The following GPRC5B variants were observed in gnomAD, a reference collection of about 807,000 sequenced individuals.
GPRC5B encodes the protein G protein-coupled receptor class C group 5 member B, also known as G protein-coupled receptor family C group 5 member B.
GPRC5B carries 16 observed loss-of-function variants against 30.1 expected under a neutral mutation model. That is an observed-to-expected ratio of 0.53 (90% CI 0.36 to 0.81). The LOEUF (loss-of-function observed/expected upper bound fraction) is 0.81, where lower values mean the gene tolerates loss of function less well. Ranked by LOEUF, GPRC5B falls within the 30% of genes least tolerant of loss-of-function variation. The probability of loss-of-function intolerance (pLI) is 0.01; values close to 1 mark genes in which losing one functional copy is unlikely to be tolerated. For missense variants in GPRC5B, 428 were observed against 544.7 expected (o/e 0.79, Z 2.13); for synonymous variants, 241 against 239.5 (o/e 1.01, Z -0.06).
intron 2 of GPRC5B, among the ~76,000 whole-genome samples, chr16:19,862,970 G>A (rs1179821779): frequency 6.6e-6 from 1 of 152,158 alleles, no homozygotes. Context: ...AAGAGAGCTT[G>A]TTTTTGCTTT....
chr16:19,881,168 C>G (rs1157991670), intron 1 of GPRC5B, among the ~76,000 whole-genome samples: 1 of 152,202 alleles, frequency 6.6e-6, no homozygotes, highest in East Asian at 1.9e-4. Context: ...GGGAGTCAGA[C>G]AGAGCTATAT....
chr16:19,878,955 C>A (rs569866033), intron 1 of GPRC5B, among the ~76,000 whole-genome samples: 1 of 152,112 alleles, frequency 6.6e-6, no homozygotes, highest in African/African-American at 2.4e-5. Flanking sequence ...GTGCTGCAGG[C>A]GATGTGGGGG....
chr16:19,863,273 T>C (rs1289843816), intron 2 of GPRC5B, among the ~76,000 whole-genome samples: 1 of 151,982 alleles, frequency 6.6e-6, no homozygotes, highest in East Asian at 1.9e-4. Flanking sequence ...TCCTCCTGCC[T>C]CAACCTCCAG....
At position 19,858,666 on chromosome 16, in the gene GPRC5B, C is replaced by T. The variant is rs1034124261; in HGVS notation, c.*1834G>A. ...ACCGCCCCCACCCCCACCCCAGGTC[C>T]TAGCTTCATTCCCTCCCACCCCTCC... On this transcript the variant is annotated 3_prime_UTR_variant, in exon 4 of 4. Coordinates refer to ENST00000300571, the MANE Select transcript of GPRC5B (RefSeq NM_016235.3). 1 of 500,528 alleles carries T rather than the reference C, an allele frequency of 2.0e-6. No homozygotes were observed. Among genetic ancestry groups the T allele is most frequent in the Non-Finnish European group, 3.6e-6 (1 of 280,724 alleles). The allele number at this position is 500,528 out of a possible 1,614,324, so 31.0% of individuals were successfully genotyped here. A position where few individuals can be genotyped will look rare whatever the true frequency, so the allele number is the denominator to read the frequency against.
intron 2 of GPRC5B, 150 bp downstream of exon 2, chr16:19,871,666 G>A: frequency 1.4e-6 from 1 of 717,578 alleles, no homozygotes; most frequent in Non-Finnish European, 2.4e-6. Context: ...ATCTGGGTCA[G>A]TTTCAGCCCA....
At chr16:19,885,477 G>A, upstream of GPRC5B, 1 of 1,138,122 alleles carries the variant, frequency 8.8e-7, no homozygotes, top group Non-Finnish European at 1.1e-6. This position sits in a 1 kb window ranked among gnomAD's most constrained non-coding sequence, Gnocchi z 5.3. Context: ...GTCGTTGTCC[G>A]TTTACGCACA....
chr16:19,881,358 G>T (rs1241252894), intron 1 of GPRC5B, among the ~76,000 whole-genome samples: 8 of 152,114 alleles, frequency 5.3e-5, no homozygotes, highest in African/African-American at 1.9e-4. Context: ...CTTGAGGAAG[G>T]GAGTTCAAGA....
chr16:19,872,839 C>T lies in GPRC5B; in HGVS notation c.7G>A (p.Val3Met), dbSNP rs1351449166. Residue 3 changes from valine (V) to methionine (M), a missense_variant, in exon 2 of 4, where the codon GTG becomes ATG. Coordinates refer to ENST00000300571, the MANE Select transcript of GPRC5B (RefSeq NM_016235.3). The surrounding 1 kb of genome is among the most constrained non-coding windows in gnomAD (Gnocchi z 5.0). The stretch of plus-strand genomic sequence containing the variant: ...GCTCTCATCTTTCTCTCTGATGCCA[C>T]GAACATTCTAGAAAAGCCAAGAGGG... MF[V>M]ASERKMRAHQ... 3 of 1,609,540 alleles carry T rather than the reference C, an allele frequency of 1.9e-6. No homozygotes were observed. Among genetic ancestry groups the T allele is most frequent in the South Asian group, 1.1e-5 (1 of 90,964 alleles).
intron 1 of GPRC5B, among the ~76,000 whole-genome samples, chr16:19,876,101 C>T (rs2056757445): frequency 6.6e-6 from 1 of 152,206 alleles, no homozygotes; most frequent in Admixed American, 6.5e-5. Flanking sequence ...CCCATCCAGC[C>T]CCAGGGTGGC....
At chr16:19,870,484 A>C (rs2056707332) in intron 2 of GPRC5B, among the ~76,000 whole-genome samples, 1 of 152,220 alleles carries the variant, frequency 6.6e-6, no homozygotes, top group African/African-American at 2.4e-5. Context: ...TAGTTCACAG[A>C]TGAGAAAAAC....
rs2056726778 is a variant in GPRC5B, at chr16:19,872,258, C to T, written c.588G>A (p.Glu196=). The change falls in exon 2 of 4, where the codon GAG becomes GAA. Residue 196 remains glutamate (E), a synonymous_variant. Coordinates refer to ENST00000300571, the MANE Select transcript of GPRC5B (RefSeq NM_016235.3). The surrounding 1 kb of genome is among the most constrained non-coding windows in gnomAD (Gnocchi z 5.0). ...TGAGGGCCATCACAAAGTCCATGGG[C>T]TCGTAGGCGCAGGCTGGCCTTGTGT... ...LRDTRPACAY[E]PMDFVMALIY... is the part of the protein sequence containing the mutation. 1 of 1,614,160 alleles carries T rather than the reference C, an allele frequency of 6.2e-7. No individual in the cohort carries two copies. Among genetic ancestry groups the T allele is most frequent in the Non-Finnish European group, 8.5e-7 (1 of 1,180,030 alleles).
In GPRC5B at chr16:19,872,465, G is replaced by A; in HGVS notation, c.381C>T (p.Phe127=). The part of the protein sequence containing the change: ...EDETICSVRR[F]LWGVLFALCF... Reference sequence around the variant, plus strand: ...AGAGCGCAAAGAGGACGCCCCAGAGGAAGCGGCGGACAGAGCAGATGGTCT... The same window carrying A: ...AGAGCGCAAAGAGGACGCCCCAGAGAAAGCGGCGGACAGAGCAGATGGTCT... Residue 127 remains phenylalanine, a synonymous_variant, in exon 2 of 4, where the codon TTC becomes TTT. Coordinates refer to ENST00000300571, the MANE Select transcript of GPRC5B (RefSeq NM_016235.3). This position sits in a 1 kb window ranked among gnomAD's most constrained non-coding sequence, Gnocchi z 5.0. 6.2e-7 allele frequency: 1 copy of A among 1,614,024 alleles called. No individual in the cohort carries two copies. Among genetic ancestry groups the A allele is most frequent in the South Asian group, 1.1e-5 (1 of 91,082 alleles).
chr16:19,880,718 C>T (rs570052517), intron 1 of GPRC5B, among the ~76,000 whole-genome samples: 55 of 152,272 alleles, frequency 3.6e-4, no homozygotes, highest in African/African-American at 1.2e-3. Flanking sequence ...ATCTCTCTTG[C>T]GGAGTCAGAC....
upstream of GPRC5B, chr16:19,884,953 G>T: frequency 1.2e-6 from 1 of 803,406 alleles, no homozygotes; most frequent in Non-Finnish European, 1.5e-6. Context: ...CCCCGCCCCC[G>T]GGCCTCCGAG....
upstream of GPRC5B, chr16:19,885,584 A>G: frequency 9.5e-7 from 1 of 1,055,492 alleles, no homozygotes; most frequent in Non-Finnish European, 1.1e-6. This position sits in a 1 kb window ranked among gnomAD's most constrained non-coding sequence, Gnocchi z 5.3. Flanking sequence ...CACCACCCCT[A>G]CCGCACACAT....
chr16:19,885,345 G>T (rs1180487628), upstream of GPRC5B: 4 of 1,203,400 alleles, frequency 3.3e-6, no homozygotes, highest in Non-Finnish European at 4.2e-6. This position sits in a 1 kb window ranked among gnomAD's most constrained non-coding sequence, Gnocchi z 5.3. Flanking sequence ...GATCCCGCCC[G>T]GTGCCTCTCG....
chr16:19,858,594 AG>A lies in GPRC5B; in HGVS notation c.*1905del, dbSNP rs1233623868. The A allele has an allele frequency of 1.3e-5, 8 of 600,958 alleles. No homozygotes were observed. The East Asian group carries it at 2.1e-4, about 16-fold the overall frequency. The allele number at this position is 600,958 out of a possible 1,614,324, so 37.2% of individuals were successfully genotyped here. ...GTCGTTTTTTCACCGGACAGGACCG[AG>A]GTGTTTGAAGATTTCTTTCTTTTCA... On this transcript the variant is annotated 3_prime_UTR_variant, in exon 4 of 4. Transcript: ENST00000300571.
At chr16:19,865,611 T>C (rs988880159) in intron 2 of GPRC5B, among the ~76,000 whole-genome samples, 1 of 152,250 alleles carries the variant, frequency 6.6e-6, no homozygotes, top group African/African-American at 2.4e-5. Flanking sequence ...GCAGGCTCTT[T>C]AACCCACATT....
upstream of GPRC5B, chr16:19,884,872 G>T (rs975981238): frequency 2.0e-6 from 2 of 981,132 alleles, no homozygotes; most frequent in East Asian, 1.1e-4. Flanking sequence ...GCTGCCGCGC[G>T]AGGCGCCCCC....
Sources: gnomAD v4.1 joint callset for allele counts (sites outside exome capture counted in the v4.1 genomes callset) on GRCh38, gnomAD v4.1.1 for gene constraint, Gnocchi (gnomAD v3.1) non-coding constraint, MANE v1.5 for transcripts, NCBI Gene and HGNC (gene_info 2026-07-23, HGNC 2026-07-21) for gene names.